Variants in CNTN4 observed in about 807,000 individuals in gnomAD.
CNTN4 encodes the protein contactin 4.
In CNTN4, 77 loss-of-function variants were observed where a neutral mutation model predicts 122.5. The observed-to-expected ratio is 0.63, with a 90% CI of 0.52 to 0.76. The LOEUF (loss-of-function observed/expected upper bound fraction) is 0.76, where lower values mean the gene tolerates loss of function less well. Ranked by LOEUF, CNTN4 falls within the 30% of genes least tolerant of loss-of-function variation. CNTN4 has a pLI of 0.00. For synonymous variants in CNTN4, 512 were observed against 447.0 expected (o/e 1.15, Z -1.83); for missense variants, 1,256 against 1,259.1 (o/e 1.00, Z 0.04).
intron 12 of CNTN4, among the ~76,000 whole-genome samples, chr3:2,915,959 T>C (rs1323814707): frequency 6.6e-6 from 1 of 152,228 alleles, no homozygotes; most frequent in Non-Finnish European, 1.5e-5. Context: ...TTCCACTTTG[T>C]GAGATGTCTA....
intron 23 of CNTN4, among the ~76,000 whole-genome samples, chr3:3,052,827 G>T (rs917091176): frequency 2.0e-5 from 3 of 152,168 alleles, no homozygotes; most frequent in African/African-American, 7.2e-5. Flanking sequence ...GGAAAGGAAT[G>T]GGAGGTTACT....
intron 4 of CNTN4, among the ~76,000 whole-genome samples, chr3:2,670,080 G>A (rs1321361721): frequency 6.6e-6 from 1 of 152,128 alleles, no homozygotes; most frequent in Non-Finnish European, 1.5e-5. Flanking sequence ...TTGATTTGCG[G>A]GGAGAGTTCT....
chr3:2,830,502 C>A (rs902770889), intron 7 of CNTN4, among the ~76,000 whole-genome samples: 1 of 152,096 alleles, frequency 6.6e-6, no homozygotes, highest in Non-Finnish European at 1.5e-5. Context: ...GTTGTCCTGT[C>A]CCAGAAAGCA....
At chr3:3,020,433 T>C (rs1698188568) in intron 14 of CNTN4, among the ~76,000 whole-genome samples, 1 of 152,210 alleles carries the variant, frequency 6.6e-6, no homozygotes, top group African/African-American at 2.4e-5. Flanking sequence ...TCCGATGAGC[T>C]TCATGAAAGG....
intron 2 of CNTN4, among the ~76,000 whole-genome samples, chr3:2,337,335 TGTG>T (rs1387729756): frequency 6.6e-6 from 1 of 152,170 alleles, no homozygotes; most frequent in African/African-American, 2.4e-5. Context: ...TATGTTTTCT[TGTG>T]GTGCTGATAC....
chr3:3,032,651 C>G (rs747934129), intron 16 of CNTN4, among the ~76,000 whole-genome samples: 2 of 152,166 alleles, frequency 1.3e-5, no homozygotes, highest in Non-Finnish European at 2.9e-5. Flanking sequence ...GCTCCAGATT[C>G]TTTGATTTTC....
At chr3:2,950,228 C>T (rs986756411) in intron 13 of CNTN4, among the ~76,000 whole-genome samples, 8 of 152,208 alleles carry the variant, frequency 5.3e-5, no homozygotes, top group Admixed American at 4.6e-4. Flanking sequence ...TTCCCACAGG[C>T]ATGTGCTGAC....
At chr3:2,439,619 T>G (rs556401375) in intron 3 of CNTN4, among the ~76,000 whole-genome samples, 1 of 152,092 alleles carries the variant, frequency 6.6e-6, no homozygotes, top group Non-Finnish European at 1.5e-5. Flanking sequence ...TCTTTCTGTC[T>G]CTGTATGTGT....
chr3:2,551,259 T>G (rs767656747), intron 3 of CNTN4, among the ~76,000 whole-genome samples: 9 of 152,124 alleles, frequency 5.9e-5, no homozygotes, highest in Non-Finnish European at 1.0e-4. Flanking sequence ...ATGGTATGGT[T>G]TTTTTGAGGT....
intron 4 of CNTN4, among the ~76,000 whole-genome samples, chr3:2,626,202 T>C (rs2082178243): frequency 6.6e-6 from 1 of 152,060 alleles, no homozygotes; most frequent in African/African-American, 2.4e-5. Flanking sequence ...GCCCATTAAG[T>C]TTTTTCTTTA....
chr3:2,788,628 A>T (rs1196616405), intron 6 of CNTN4, among the ~76,000 whole-genome samples: 2 of 152,240 alleles, frequency 1.3e-5, no homozygotes, highest in African/African-American at 4.8e-5. Context: ...ATTAAATTGT[A>T]ATCCCATAAA....
At chr3:2,591,350 G>T (rs965674318) in intron 4 of CNTN4, among the ~76,000 whole-genome samples, 1 of 81,828 alleles carries the variant, frequency 1.2e-5, no homozygotes, top group Non-Finnish European at 2.3e-5. Context: ...GTAGATTTGT[G>T]ACTTTTTTTT....
At chr3:2,180,924 C>A (rs1383939659) in intron 2 of CNTN4, among the ~76,000 whole-genome samples, 1 of 152,044 alleles carries the variant, frequency 6.6e-6, no homozygotes, top group Non-Finnish European at 1.5e-5. Flanking sequence ...TGAGCATTGA[C>A]AGATAAGTCA....
intron 14 of CNTN4, among the ~76,000 whole-genome samples, chr3:3,004,368 T>C (rs1559777091): frequency 6.6e-6 from 1 of 151,944 alleles, no homozygotes; most frequent in East Asian, 1.9e-4. Flanking sequence ...TGGAGAATAG[T>C]CCCCCCATCA....
At chr3:2,591,689 C>A (rs2149666603) in intron 4 of CNTN4, among the ~76,000 whole-genome samples, 1 of 151,956 alleles carries the variant, frequency 6.6e-6, no homozygotes, top group African/African-American at 2.4e-5. Flanking sequence ...AAAATTGTAG[C>A]CTTCTGAAAC....
chr3:2,290,075 G>A (rs1224828591), intron 2 of CNTN4, among the ~76,000 whole-genome samples: 1 of 152,114 alleles, frequency 6.6e-6, no homozygotes, highest in African/African-American at 2.4e-5. Context: ...ACACGATGGA[G>A]TAACAGGGAC....
At chr3:2,180,387 A>G (rs1350202437) in intron 2 of CNTN4, among the ~76,000 whole-genome samples, 1 of 152,010 alleles carries the variant, frequency 6.6e-6, no homozygotes, top group African/African-American at 2.4e-5. Flanking sequence ...AACCTTATCA[A>G]TAGTAGAATA....
intron 3 of CNTN4, among the ~76,000 whole-genome samples, chr3:2,340,721 A>AGAGAGAGAGAGAGGGG (rs2044175599): frequency 7.3e-6 from 1 of 136,726 alleles, no homozygotes; most frequent in Non-Finnish European, 1.6e-5. Context: ...AGAGAGAGAG[A>AGAGAGAGAGAGAGGGG]GAGAGAGAGA....
rs145740658 is a variant in CNTN4, at chr3:2,332,004, A to T, written c.-144-7174A>T. Among the ~76,000 whole-genome samples the T allele has an allele frequency of 2.7e-3, 411 of 152,058 alleles. 3 individuals are homozygous for T. The highest frequency in any genetic ancestry group is 0.019 in the East Asian group (100 of 5,162). The stretch of plus-strand genomic sequence containing the variant: ...CCGTGGTAAGTAAAGCTCCAGTAAA[A>T]TCCCATGTCTTGTTTGCTGGCCCTG... On this transcript the variant is annotated intron_variant, in intron 2 of 24. Transcript: ENST00000418658.
Sources: allele counts gnomAD v4.1 joint callset (sites outside exome capture counted in the v4.1 genomes callset), GRCh38; gene constraint gnomAD v4.1.1; transcripts MANE v1.5; gene names NCBI Gene and HGNC (gene_info 2026-07-23, HGNC 2026-07-21).